PDE3B: variants seen among roughly 807,000 people sequenced by gnomAD.
PDE3B encodes cGMP-inhibited 3',5'-cyclic phosphodiesterase 3B.
PDE3B carries 66 observed loss-of-function variants against 116.8 expected under a neutral mutation model. The observed-to-expected ratio is 0.56, with a 90% confidence interval of 0.46 to 0.69. PDE3B has a LOEUF of 0.69. PDE3B is among the 30% of genes least tolerant of loss of function. The probability of loss-of-function intolerance (pLI) is 0.00; values close to 1 mark genes in which losing one functional copy is unlikely to be tolerated. For synonymous variants in PDE3B, 595 were observed against 533.6 expected (o/e 1.12, Z -1.59); for missense variants, 1,384 against 1,368.1 (o/e 1.01, Z -0.18).
At chr11:14,879,448 C>G in the PDE3B span, 14 of 1,594,834 alleles carry the variant, frequency 8.8e-6, no homozygotes, top group Admixed American at 1.7e-4. Context: ...CTTGTCCTGT[C>G]AGAGAAAAAG....
chr11:14,761,241 T>G (rs1408358439), intron 1 of PDE3B, among the ~76,000 whole-genome samples: 1 of 152,162 alleles, frequency 6.6e-6, no homozygotes, highest in Non-Finnish European at 1.5e-5. Flanking sequence ...TTTTCCTTTC[T>G]ATGCCATTTG....
chr11:14,815,688 G>T (rs1859302512), intron 5 of PDE3B, among the ~76,000 whole-genome samples: 1 of 152,020 alleles, frequency 6.6e-6, no homozygotes, highest in Non-Finnish European at 1.5e-5. Context: ...CTAGTCACAG[G>T]TGTTTTCTAC....
chr11:14,654,560 C>G (rs1260636217), intron 1 of PDE3B, among the ~76,000 whole-genome samples: 2 of 151,944 alleles, frequency 1.3e-5, no homozygotes, highest in Non-Finnish European at 2.9e-5. Context: ...TGAATGAGAT[C>G]AAGAAGGTAT....
chr11:14,650,143 T>TAC (rs1853530206), intron 1 of PDE3B, among the ~76,000 whole-genome samples: 1 of 152,016 alleles, frequency 6.6e-6, no homozygotes, highest in African/African-American at 2.4e-5. Flanking sequence ...CTCCATCTGC[T>TAC]ACAGCACGTT....
chr11:14,890,599 T>G, the PDE3B span: 1 of 215,816 alleles, frequency 4.6e-6, no homozygotes, highest in Non-Finnish European at 6.8e-6. Flanking sequence ...CAGGCTGGAG[T>G]GCAGTGGCGC....
intron 12 of PDE3B, among the ~76,000 whole-genome samples, chr11:14,855,555 T>C (rs763108411): frequency 6.6e-6 from 1 of 152,178 alleles, no homozygotes; most frequent in East Asian, 1.9e-4. Flanking sequence ...GGCATTGTTA[T>C]ATTAAATAAA....
chr11:14,744,599 C>G (rs1432154465), intron 1 of PDE3B, among the ~76,000 whole-genome samples: 3 of 152,146 alleles, frequency 2.0e-5, no homozygotes, highest in Admixed American at 6.5e-5. Context: ...TCTCCCATCT[C>G]AGTTCTTTCT....
chr11:14,721,581 A>G (rs1314296941), intron 1 of PDE3B, among the ~76,000 whole-genome samples: 3 of 151,194 alleles, frequency 2.0e-5, no homozygotes, highest in East Asian at 3.9e-4. Context: ...ACACCATGGA[A>G]TACTATGCAG....
chr11:14,686,548 A>C (rs536635763), intron 1 of PDE3B, among the ~76,000 whole-genome samples: 1 of 152,150 alleles, frequency 6.6e-6, no homozygotes, highest in Non-Finnish European at 1.5e-5. Flanking sequence ...ATGACAGGAA[A>C]ACATCTAGCT....
chr11:14,894,504 A>G, the PDE3B span, among the ~76,000 whole-genome samples: 7 of 152,316 alleles, frequency 4.6e-5, no homozygotes, highest in Admixed American at 1.3e-4. Context: ...TATTTTCAGA[A>G]AGGATTAATT....
intron 7 of PDE3B, among the ~76,000 whole-genome samples, chr11:14,826,411 A>G (rs1015292900): frequency 6.6e-6 from 1 of 152,154 alleles, no homozygotes; most frequent in African/African-American, 2.4e-5. Context: ...AGATCCAAAT[A>G]AACACAATTA....
the PDE3B span, among the ~76,000 whole-genome samples, chr11:14,888,523 T>C: frequency 1.0e-3 from 152 of 152,354 alleles, no homozygotes; most frequent in Admixed American, 3.5e-3. Context: ...ACTGCCATAC[T>C]ACCCTAACCA....
intron 1 of PDE3B, among the ~76,000 whole-genome samples, chr11:14,738,785 G>C (rs759637786): frequency 6.6e-6 from 1 of 152,162 alleles, no homozygotes; most frequent in Admixed American, 6.5e-5. Context: ...TGTATAAGGT[G>C]TAAGAAAGGG....
intron 9 of PDE3B, 38 bp downstream of exon 9, chr11:14,831,815 A>G (rs1238246849): frequency 6.6e-7 from 1 of 1,506,940 alleles, no homozygotes; most frequent in South Asian, 1.2e-5. Flanking sequence ...CTGTAAATTA[A>G]TTTTTCTTAA....
At chr11:14,819,235 T>C (rs1859439182) in intron 7 of PDE3B, 26 bp downstream of exon 7, 5 of 1,418,686 alleles carry the variant, frequency 3.5e-6, no homozygotes, top group African/African-American at 1.4e-5. Flanking sequence ...TCATATGTAT[T>C]TGAGTTTAAG....
intron 1 of PDE3B, among the ~76,000 whole-genome samples, chr11:14,680,674 A>G (rs1159025163): frequency 2.0e-5 from 3 of 152,190 alleles, no homozygotes. Context: ...GTAAAAGAGT[A>G]CTCATAAATA....
chr11:14,801,308 A>AC lies in PDE3B; in HGVS notation c.1416-2636_1416-2635insC, dbSNP rs1858755056. On this transcript the variant is annotated intron_variant, in intron 4 of 15. Transcript: ENST00000282096. The stretch of plus-strand genomic sequence containing the variant: ...TGGATTTATCTACCTTTGGTCTTTG[A>AC]TGTTTGTGACCTTCAGATGGGGTCT... Among the ~76,000 whole-genome samples the AC allele has an allele frequency of 3.9e-5, 6 of 152,020 alleles. No homozygotes were observed. In the South Asian group the frequency reaches 1.2e-3, roughly 32 times the overall value.
the PDE3B span, chr11:14,887,487 A>T: frequency 1.5e-6 from 1 of 675,146 alleles, no homozygotes; most frequent in Non-Finnish European, 1.8e-6. Context: ...GTGAAAACTT[A>T]TCCTTAAACT....
chr11:14,740,203 A>G (rs529034811), intron 1 of PDE3B, among the ~76,000 whole-genome samples: 1 of 152,316 alleles, frequency 6.6e-6, no homozygotes, highest in South Asian at 2.1e-4. Flanking sequence ...TATCTCTGGT[A>G]GAATTGGGCT....
Sources: allele counts gnomAD v4.1 joint callset (sites outside exome capture counted in the v4.1 genomes callset), GRCh38; gene constraint gnomAD v4.1.1; transcripts MANE v1.5; gene names NCBI Gene and HGNC (gene_info 2026-07-23, HGNC 2026-07-21).